The following RAP1GAP2 variants were observed in gnomAD, a reference collection of about 807,000 sequenced individuals.
RAP1GAP2 encodes the protein rap1 GTPase-activating protein 2.
RAP1GAP2 carries 27 observed loss-of-function variants against 95.0 expected under a neutral mutation model. The ratio of observed to expected loss-of-function variants is 0.28; its 90% CI spans 0.21 to 0.39. The LOEUF (loss-of-function observed/expected upper bound fraction) is 0.39, where lower values mean the gene tolerates loss of function less well. RAP1GAP2 is among the 10% of genes least tolerant of loss of function. The pLI is 1.00. For synonymous variants in RAP1GAP2, 373 were observed against 380.9 expected (o/e 0.98, Z 0.24); for missense variants, 771 against 970.0 (o/e 0.79, Z 2.72).
At chr17:2,837,407 CA>C (rs1378878433) in intron 2 of RAP1GAP2, among the ~76,000 whole-genome samples, 3 of 151,932 alleles carry the variant, frequency 2.0e-5, no homozygotes, top group Admixed American at 2.0e-4. Flanking sequence ...CCCAGGGGAG[CA>C]TCAAGGTACT....
chr17:2,934,312 G>A (rs893531419), intron 3 of RAP1GAP2, among the ~76,000 whole-genome samples: 3 of 152,040 alleles, frequency 2.0e-5, no homozygotes, highest in Non-Finnish European at 4.4e-5. Flanking sequence ...TTGTATTTTT[G>A]GTAGAGAGGG....
intron 3 of RAP1GAP2, among the ~76,000 whole-genome samples, chr17:2,955,287 C>T (rs1237392593): frequency 6.6e-6 from 1 of 152,158 alleles, no homozygotes; most frequent in African/African-American, 2.4e-5. Context: ...GCCTTGCTCA[C>T]GCCTGTGATA....
At chr17:2,882,501 A>G (rs1168918700) in intron 2 of RAP1GAP2, among the ~76,000 whole-genome samples, 1 of 150,712 alleles carries the variant, frequency 6.6e-6, no homozygotes, top group East Asian at 2.0e-4. Context: ...CACGTTGGCC[A>G]GGCTGGTCTC....
intron 3 of RAP1GAP2, among the ~76,000 whole-genome samples, chr17:2,908,202 G>C (rs115561427): frequency 1.3e-5 from 2 of 152,136 alleles, no homozygotes; most frequent in African/African-American, 2.4e-5. Flanking sequence ...TCAGGCAGCC[G>C]AGAGAGAGAA....
intron 2 of RAP1GAP2, among the ~76,000 whole-genome samples, chr17:2,843,316 C>T (rs113073828): frequency 0.019 from 2,854 of 150,346 alleles, 79 homozygotes; most frequent in East Asian, 0.11. Flanking sequence ...AATGGTGTCT[C>T]GCTCTGTCGC....
At chr17:2,913,517 G>A (rs1444777519) in intron 3 of RAP1GAP2, among the ~76,000 whole-genome samples, 6 of 152,158 alleles carry the variant, frequency 3.9e-5, no homozygotes, top group Non-Finnish European at 7.3e-5. Context: ...TCAAACTCCT[G>A]ACCTCAGGTG....
chr17:2,810,585 C>T, intron 2 of RAP1GAP2, among the ~76,000 whole-genome samples: 1 of 119,316 alleles, frequency 8.4e-6, no homozygotes, highest in East Asian at 2.8e-4. Flanking sequence ...GGCTAGAGTG[C>T]AATGGTACGA....
intron 17 of RAP1GAP2, among the ~76,000 whole-genome samples, chr17:3,011,084 G>A (rs548393604): frequency 2.0e-5 from 3 of 151,610 alleles, no homozygotes; most frequent in South Asian, 4.2e-4. Context: ...CCGCCACCAC[G>A]CCCGGCTAAC....
chr17:2,770,273 C>T, intron 1 of RAP1GAP2: 1 of 398,394 alleles, frequency 2.5e-6, no homozygotes, highest in Admixed American at 4.4e-5. Context: ...GCTGACTCTC[C>T]CAAGGAGCTC....
chr17:2,811,201 T>A (rs2069759327), intron 2 of RAP1GAP2, among the ~76,000 whole-genome samples: 1 of 152,168 alleles, frequency 6.6e-6, no homozygotes, highest in African/African-American at 2.4e-5. Context: ...CTGCCTGGGC[T>A]GATCTTTGTC....
At chr17:2,881,014 A>G (rs2073265284) in intron 2 of RAP1GAP2, among the ~76,000 whole-genome samples, 1 of 152,018 alleles carries the variant, frequency 6.6e-6, no homozygotes, top group South Asian at 2.1e-4. Flanking sequence ...GTAACCCAGC[A>G]CTTTGGGAGG....
intron 2 of RAP1GAP2, among the ~76,000 whole-genome samples, chr17:2,801,119 A>T (rs1244040703): frequency 6.7e-6 from 1 of 149,572 alleles, no homozygotes; most frequent in Non-Finnish European, 1.5e-5. Context: ...AAGTGCTGGG[A>T]TTATAGGCGT....
chr17:2,960,287 T>A (rs958133502), intron 4 of RAP1GAP2, among the ~76,000 whole-genome samples: 18 of 152,228 alleles, frequency 1.2e-4, no homozygotes, highest in African/African-American at 3.9e-4. Context: ...CCCTCGGGGC[T>A]GTTCCCAGAC....
chr17:2,912,342 C>T (rs561273439), intron 3 of RAP1GAP2, among the ~76,000 whole-genome samples: 5 of 152,300 alleles, frequency 3.3e-5, no homozygotes, highest in South Asian at 2.1e-4. Context: ...GCACAGCCCC[C>T]GGCCTGATTT....
chr17:2,871,966 G>A lies in RAP1GAP2; in HGVS notation c.81-33318G>A, dbSNP rs60619012. Among the ~76,000 whole-genome samples, 1 of 152,208 alleles carries A rather than the reference G, an allele frequency of 6.6e-6. No individual in the cohort carries two copies. The highest frequency in any genetic ancestry group is 1.9e-4 in the East Asian group (1 of 5,162). On this transcript the variant is annotated intron_variant, in intron 2 of 24. Coordinates refer to ENST00000254695, the MANE Select transcript of RAP1GAP2 (RefSeq NM_015085.5). This position sits in a 1 kb window ranked among gnomAD's most constrained non-coding sequence, Gnocchi z 5.0. ...AGGCCAGGCGTGGTGGCTCACGCCT[G>A]GAATCTCAGCGCTTTTGGAGGCTGA...
At chr17:2,856,225 C>T (rs1324984889) in intron 2 of RAP1GAP2, among the ~76,000 whole-genome samples, 5 of 152,116 alleles carry the variant, frequency 3.3e-5, no homozygotes, top group Admixed American at 6.6e-5. Context: ...AAGGCAGATG[C>T]GTGGGACCAA....
intron 8 of RAP1GAP2, among the ~76,000 whole-genome samples, chr17:2,971,184 G>T (rs1347683697): frequency 6.6e-6 from 1 of 152,042 alleles, no homozygotes; most frequent in African/African-American, 2.4e-5. Flanking sequence ...CTCTCTGCTG[G>T]ATGTATTCAC....
At chr17:2,885,526 G>A (rs1597509968) in intron 2 of RAP1GAP2, among the ~76,000 whole-genome samples, 3 of 152,166 alleles carry the variant, frequency 2.0e-5, no homozygotes, top group South Asian at 4.1e-4. Flanking sequence ...GGTGAGGCCC[G>A]GCTACCCCCA....
chr17:2,904,678 T>A lies in RAP1GAP2; in HGVS notation c.81-606T>A, dbSNP rs769564163. The stretch of plus-strand genomic sequence containing the variant: ...GCCCCGTGGTTCTCAGACTTTGCCG[T>A]GTAGCAGAATGACCTGGAGAGCTCG... On this transcript the variant is annotated intron_variant, in intron 2 of 24. Transcript: ENST00000254695. This position sits in a 1 kb window ranked among gnomAD's most constrained non-coding sequence, Gnocchi z 4.7. Among the ~76,000 whole-genome samples the A allele has an allele frequency of 3.3e-5, 5 of 151,934 alleles. No homozygotes were observed. Among genetic ancestry groups the A allele is most frequent in the African/African-American group, 4.8e-5 (2 of 41,358 alleles).
Sources: gnomAD v4.1 joint callset for allele counts (sites outside exome capture counted in the v4.1 genomes callset) on GRCh38, gnomAD v4.1.1 for gene constraint, Gnocchi (gnomAD v3.1) non-coding constraint, MANE v1.5 for transcripts, NCBI Gene and HGNC (gene_info 2026-07-23, HGNC 2026-07-21) for gene names.